Variants in RNF212B observed in about 807,000 individuals in gnomAD.
The protein encoded by RNF212B is ring finger protein 212B.
Under a neutral mutation model 55.5 loss-of-function variants are expected in RNF212B, and 52 were observed. The observed-to-expected ratio is 0.94, with a 90% CI of 0.75 to 1.18. The LOEUF is 1.18. Ranked by LOEUF, RNF212B falls within the 50% of genes most tolerant of loss-of-function variation. The probability of loss-of-function intolerance (pLI) is 0.00; values close to 1 mark genes in which losing one functional copy is unlikely to be tolerated. For synonymous variants in RNF212B, 99 were observed against 121.4 expected (o/e 0.82, Z 1.21); for missense variants, 289 against 350.4 (o/e 0.82, Z 1.40).
intron 2 of RNF212B, among the ~76,000 whole-genome samples, chr14:23,227,223 A>AT (rs142475427): frequency 0.24 from 36,330 of 150,282 alleles, 4,517 homozygotes; most frequent in Middle Eastern, 0.3. Flanking sequence ...TATTATTATA[A>AT]TTTTTTTTTT....
intron 2 of RNF212B, among the ~76,000 whole-genome samples, chr14:23,210,154 C>T (rs994257480): frequency 1.2e-4 from 18 of 152,022 alleles, no homozygotes; most frequent in African/African-American, 4.1e-4. Flanking sequence ...TCTCAAAACA[C>T]GAACAAACAA....
At chr14:23,246,419 C>T (rs1175933831) in intron 4 of RNF212B, among the ~76,000 whole-genome samples, 6 of 152,116 alleles carry the variant, frequency 3.9e-5, no homozygotes, top group African/African-American at 1.4e-4. Context: ...ACTGGGAAAA[C>T]TGTTGATGTA....
At chr14:23,220,826 A>ACAAAAC (rs925083936) in intron 2 of RNF212B, among the ~76,000 whole-genome samples, 28 of 152,136 alleles carry the variant, frequency 1.8e-4, no homozygotes, top group African/African-American at 6.5e-4. Context: ...CTCCATCAAA[A>ACAAAAC]AAAACAAAAC....
In RNF212B at chr14:23,273,379, GTTAATTTT is replaced by G. The variant is rs1163315392; in HGVS notation, c.*489_*496del. 2.6e-5 allele frequency: 4 copies of G among 152,248 alleles called. No homozygotes were observed. Among genetic ancestry groups the G allele is most frequent in the African/African-American group, 9.7e-5 (4 of 41,378 alleles). 9.4% of individuals were successfully genotyped at this position (152,248 alleles called of 1,614,324 possible). A position where few individuals can be genotyped will look rare whatever the true frequency, so the allele number is the denominator to read the frequency against. The stretch of plus-strand genomic sequence containing the variant: ...CCTCTATGCTTAGTTACTATTAAAT[GTTAATTTT>G]CCTTTCTATTGAAAACAACTGTTGG... On this transcript the variant is annotated 3_prime_UTR_variant, in exon 15 of 15. Transcript: ENST00000430154.
intron 2 of RNF212B, among the ~76,000 whole-genome samples, chr14:23,223,500 G>A (rs571619605): frequency 6.6e-5 from 10 of 152,014 alleles, no homozygotes; most frequent in South Asian, 2.1e-4. Flanking sequence ...GACTACAGGC[G>A]CCCGCCATCA....
At chr14:23,215,901 A>G (rs560820240) in intron 2 of RNF212B, among the ~76,000 whole-genome samples, 1 of 152,362 alleles carries the variant, frequency 6.6e-6, no homozygotes, top group African/African-American at 2.4e-5. Flanking sequence ...TTACATTGAC[A>G]CCACTAGACT....
At chr14:23,242,707 T>G (rs2140439214) in intron 2 of RNF212B, among the ~76,000 whole-genome samples, 1 of 152,252 alleles carries the variant, frequency 6.6e-6, no homozygotes, top group Non-Finnish European at 1.5e-5. Flanking sequence ...GGGTGGTGGC[T>G]CATGCTTATA....
rs868750249 is a variant in RNF212B at position 23,268,110 on chromosome 14, G to A, written c.635-814G>A. ...CATCAGACTGGAGAAAGGTTTTTCT[G>A]CACTTGGTAAGCTCTGAGCTCCAAG... is the stretch of plus-strand genomic sequence containing the variant. On this transcript the variant is annotated intron_variant, in intron 11 of 14. Transcript: ENST00000430154. 4.6e-5 allele frequency among the ~76,000 whole-genome samples: 7 copies of A among 152,314 alleles called. 1 individual carries two copies. In the South Asian group the frequency reaches 1.2e-3, roughly 27 times the overall value.
chr14:23,235,019 C>T (rs529614506), upstream of RNF212B, among the ~76,000 whole-genome samples: 1 of 152,276 alleles, frequency 6.6e-6, no homozygotes, highest in African/African-American at 2.4e-5. Flanking sequence ...TGAGACCAGC[C>T]TGGCCAACAT....
At chr14:23,258,952 G>C (rs1157577767) in intron 5 of RNF212B, among the ~76,000 whole-genome samples, 10 of 151,490 alleles carry the variant, frequency 6.6e-5, no homozygotes, top group Non-Finnish European at 1.3e-4. Context: ...TTGGGTGACC[G>C]AAGCAGAAGA....
upstream of RNF212B, among the ~76,000 whole-genome samples, chr14:23,234,595 A>G (rs551889777): frequency 1.3e-5 from 2 of 152,348 alleles, no homozygotes; most frequent in South Asian, 4.1e-4. Context: ...ACACTTACCA[A>G]TTAAAATTTA....
intron 9 of RNF212B, 133 bp from the exon 10 acceptor site, chr14:23,264,041 T>A (rs1480846118): frequency 1.6e-6 from 1 of 626,440 alleles, no homozygotes; most frequent in Non-Finnish European, 2.7e-6. Flanking sequence ...TGAGCTAAGC[T>A]TGTGCCATTG....
At chr14:23,264,549 T>C in intron 10 of RNF212B, 74 bp from the exon 11 acceptor site, 3 of 1,029,276 alleles carry the variant, frequency 2.9e-6, no homozygotes, top group Non-Finnish European at 4.0e-6. Context: ...TGTGTAGCTA[T>C]AGATAAATAG....
chr14:23,232,794 G>A (rs1161259031), intron 2 of RNF212B, among the ~76,000 whole-genome samples: 1 of 147,364 alleles, frequency 6.8e-6, no homozygotes, highest in Non-Finnish European at 1.5e-5. Context: ...TGGGGGGGGG[G>A]TCAGCCTCTG....
intron 2 of RNF212B, among the ~76,000 whole-genome samples, chr14:23,211,321 T>A (rs1330918615): frequency 6.6e-6 from 1 of 152,076 alleles, no homozygotes; most frequent in Non-Finnish European, 1.5e-5. Context: ...GATGAATAGA[T>A]AACCTAAATA....
intron 2 of RNF212B, among the ~76,000 whole-genome samples, chr14:23,208,757 G>T (rs1594877514): frequency 1.3e-4 from 13 of 98,114 alleles, no homozygotes; most frequent in South Asian, 3.5e-4. Context: ...GCTGGTTGCC[G>T]TTTTTTTTTT....
upstream of RNF212B, among the ~76,000 whole-genome samples, chr14:23,236,602 T>C (rs188096153): frequency 2.0e-4 from 31 of 152,302 alleles, no homozygotes; most frequent in Admixed American, 7.8e-4. Flanking sequence ...TTATTATTGT[T>C]TTCAAATAAT....
At position 23,262,933 on chromosome 14, in the gene RNF212B, C is replaced by A. The variant is rs536341534; in HGVS notation, c.487C>A (p.Pro163Thr). 6.4e-7 allele frequency: 1 copy of A among 1,550,488 alleles called. No individual in the cohort carries two copies. Among genetic ancestry groups the A allele is most frequent in the Non-Finnish European group, 8.7e-7 (1 of 1,146,944 alleles). ...TGTACTTTATTCTCTTTCAGTTACC[C>A]CACGACCCAGTTTCCAGCATAGCAG... ...GITSPSQSVT[P>T]RPSFQHSSQV... The change falls in exon 9 of 15, where the codon CCA becomes ACA. Residue 163 changes from proline (P) to threonine (T), a missense_variant. Physicochemically the swap from Pro to Thr is conservative, Grantham distance 38. Coordinates refer to ENST00000430154, the MANE Select transcript of RNF212B (RefSeq NM_001282322.3).
At chr14:23,201,804 A>AG (rs375880115) in intron 2 of RNF212B, among the ~76,000 whole-genome samples, 18 of 152,178 alleles carry the variant, frequency 1.2e-4, no homozygotes, top group African/African-American at 4.1e-4. Flanking sequence ...TTATTGAGAG[A>AG]GGGGACTTAA....
Sources: allele counts gnomAD v4.1 joint callset (sites outside exome capture counted in the v4.1 genomes callset), GRCh38; gene constraint gnomAD v4.1.1; transcripts MANE v1.5; gene names NCBI Gene and HGNC (gene_info 2026-07-23, HGNC 2026-07-21).